IRAG1: variants seen among roughly 807,000 people sequenced by gnomAD.
IRAG1 encodes IP3R-associated cGMP kinase substrate.
In IRAG1, 62 loss-of-function variants were observed where a neutral mutation model predicts 106.2. That is an observed-to-expected ratio of 0.58 (90% CI 0.48 to 0.72). IRAG1 has a LOEUF of 0.72. Ranked by LOEUF, IRAG1 falls within the 30% of genes least tolerant of loss-of-function variation. The pLI is 0.00. For synonymous variants in IRAG1, 462 were observed against 443.9 expected, an observed-to-expected ratio of 1.04 and a Z score of -0.51; for missense variants, 1,064 against 1,140.7, an observed-to-expected ratio of 0.93 and a Z score of 0.97.
intron 3 of IRAG1, among the ~76,000 whole-genome samples, chr11:10,633,310 C>T (rs924629047): frequency 1.3e-5 from 2 of 152,134 alleles, no homozygotes; most frequent in African/African-American, 2.4e-5. Flanking sequence ...CTCCTGACCT[C>T]ATGATTCACC....
Position 10,575,369 on chromosome 11 carries a change from A to C in IRAG1, c.*963T>G, listed in dbSNP as rs1850763837. The C allele has an allele frequency of 6.6e-6, 1 of 152,242 alleles. No individual in the cohort carries two copies. Among genetic ancestry groups the C allele is most frequent in the African/African-American group, 2.4e-5 (1 of 41,472 alleles). The allele number at this position is 152,242 out of a possible 1,614,324, so 9.4% of individuals were successfully genotyped here. The stretch of plus-strand genomic sequence containing the variant: ...CCTCATTCACCTGTGAGGTGGGTTA[A>C]CTGTTTTCAAAGAGAGAATAGGGAA... On this transcript the variant is annotated 3_prime_UTR_variant, in exon 21 of 21. Coordinates refer to ENST00000423302, the MANE Select transcript of IRAG1 (RefSeq NM_130385.4).
intron 1 of IRAG1, 195 bp downstream of exon 1, chr11:10,693,341 A>T: frequency 9.1e-7 from 1 of 1,101,736 alleles, no homozygotes; most frequent in Admixed American, 3.0e-5. Context: ...GACTGGCAAG[A>T]TTCACTTCTG....
At chr11:10,587,365 G>A (rs1171570270) in intron 18 of IRAG1, among the ~76,000 whole-genome samples, 1 of 152,040 alleles carries the variant, frequency 6.6e-6, no homozygotes, top group Non-Finnish European at 1.5e-5. Flanking sequence ...CACCCCCACT[G>A]CCATGGTTCC....
intron 10 of IRAG1, among the ~76,000 whole-genome samples, chr11:10,620,023 T>A (rs1855713426): frequency 6.6e-6 from 1 of 152,244 alleles, no homozygotes; most frequent in Non-Finnish European, 1.5e-5. Context: ...TAAATTGGTA[T>A]AATTTTGTAA....
At chr11:10,668,836 G>T (rs1786276532) in intron 1 of IRAG1, among the ~76,000 whole-genome samples, 1 of 152,198 alleles carries the variant, frequency 6.6e-6, no homozygotes. Flanking sequence ...CTTTAACCCA[G>T]TTTAAATGCA....
At chr11:10,589,734 T>G (rs1455010564) in intron 18 of IRAG1, among the ~76,000 whole-genome samples, 1 of 152,204 alleles carries the variant, frequency 6.6e-6, no homozygotes, top group East Asian at 1.9e-4. Context: ...GTGCTTGACT[T>G]GCCTTAATCC....
At chr11:10,648,248 C>T (rs953555838) in intron 2 of IRAG1, among the ~76,000 whole-genome samples, 3 of 152,120 alleles carry the variant, frequency 2.0e-5, no homozygotes, top group African/African-American at 4.8e-5. Flanking sequence ...CCTGTAGTCC[C>T]GGCTATTCGG....
chr11:10,603,387 G>C, intron 13 of IRAG1, 136 bp from the exon 14 acceptor site: 1 of 925,538 alleles, frequency 1.1e-6, no homozygotes, highest in Non-Finnish European at 1.6e-6. Context: ...CGATGGTTTG[G>C]GGATGAAACT....
At chr11:10,592,977 C>T (rs1852847735) in intron 17 of IRAG1, among the ~76,000 whole-genome samples, 2 of 152,102 alleles carry the variant, frequency 1.3e-5, no homozygotes, top group South Asian at 2.1e-4. Context: ...CTACAGAAAC[C>T]CCTTATAGGA....
Position 10,603,186 on chromosome 11 carries a change from G to C in IRAG1, c.1809C>G (p.Ile603Met). The stretch of plus-strand genomic sequence containing the variant: ...GGGCAGCCAGGCGGTGCAGGACAGC[G>C]ATGTCCTCCAGCAACTTCTGGTAGG... ...RETYQKLLED[I>M]AVLHRLAARL... Residue 603 changes from isoleucine to methionine, a missense_variant, in exon 14 of 21, where the codon ATC becomes ATG. By Grantham distance (10) the Ile-to-Met change is conservative. Transcript: ENST00000423302. 1 of 1,612,030 alleles carries C rather than the reference G, an allele frequency of 6.2e-7. No individual in the cohort carries two copies. Among genetic ancestry groups the C allele is most frequent in the Non-Finnish European group, 8.5e-7 (1 of 1,179,138 alleles).
intron 1 of IRAG1, among the ~76,000 whole-genome samples, chr11:10,692,616 C>T (rs1862144743): frequency 6.6e-6 from 1 of 152,212 alleles, no homozygotes; most frequent in African/African-American, 2.4e-5. Flanking sequence ...CTGCAAAAGA[C>T]TCTGCTCAGA....
chr11:10,576,355 G>C lies in IRAG1; in HGVS notation c.2716C>G (p.His906Asp), dbSNP rs1850811366. ...TCCTACTGCTCTGTAGGCTGCTCAT[G>C]CTGGAGTCCTGAGCTCCACCAGGAG... Reference protein sequence around the residue: ...RDSWWSSGLQHEQPTEQ With the variant: ...RDSWWSSGLQDEQPTEQ The change falls in exon 21 of 21, where the codon CAT becomes GAT. Residue 906 changes from histidine (H) to aspartate (D), a missense_variant. His to Asp is a moderately conservative substitution (Grantham distance 81, BLOSUM62 -1). Coordinates refer to ENST00000423302, the MANE Select transcript of IRAG1 (RefSeq NM_130385.4). 1 of 1,613,922 alleles carries C rather than the reference G, an allele frequency of 6.2e-7. No individual in the cohort carries two copies. The highest frequency in any genetic ancestry group is 8.5e-7 in the Non-Finnish European group (1 of 1,179,862).
Position 10,573,576 on chromosome 11 carries a change from T to G in IRAG1, c.*2756A>C, listed in dbSNP as rs1850688009. On this transcript the variant is annotated 3_prime_UTR_variant, in exon 21 of 21. Transcript: ENST00000423302. ...ATATGGCTATTCTTATGCTCCCTTT[T>G]GGAGATGTCCTTTTCCTCGACCTCC... is the stretch of plus-strand genomic sequence containing the variant. 1 of 152,266 alleles carries G rather than the reference T, an allele frequency of 6.6e-6. No individual in the cohort carries two copies. The highest frequency in any genetic ancestry group is 1.5e-5 in the Non-Finnish European group (1 of 68,066). 9.4% of individuals were successfully genotyped at this position (152,266 alleles called of 1,614,324 possible).
intron 13 of IRAG1, among the ~76,000 whole-genome samples, chr11:10,604,134 G>A (rs140568737): frequency 5.8e-4 from 88 of 152,262 alleles, no homozygotes; most frequent in African/African-American, 2.0e-3. Flanking sequence ...TATCCCTGGC[G>A]CCTGAAAGTA....
intron 18 of IRAG1, among the ~76,000 whole-genome samples, chr11:10,589,552 C>T (rs2134184734): frequency 6.6e-6 from 1 of 152,210 alleles, no homozygotes; most frequent in South Asian, 2.1e-4. Context: ...CAGGTGTGAG[C>T]CACCGTGCCT....
At position 10,576,187 on chromosome 11, in the gene IRAG1, G is replaced by T; in HGVS notation, c.*145C>A. 1 of 1,022,402 alleles carries T rather than the reference G, an allele frequency of 9.8e-7. No homozygotes were observed. The highest frequency in any genetic ancestry group is 1.4e-6 in the Non-Finnish European group (1 of 710,704). The allele number at this position is 1,022,402 out of a possible 1,614,324, so 63.3% of individuals were successfully genotyped here. The stretch of plus-strand genomic sequence containing the variant: ...TCACTGTGTATGAATAGCTCCCACA[G>T]AAGTGCCGAGTGTTAAAAGAACCCT... On this transcript the variant is annotated 3_prime_UTR_variant, in exon 21 of 21. Transcript: ENST00000423302.
chr11:10,588,565 G>A (rs1852289000), intron 18 of IRAG1, among the ~76,000 whole-genome samples: 1 of 152,190 alleles, frequency 6.6e-6, no homozygotes, highest in Admixed American at 6.5e-5. Flanking sequence ...TGCCCAGGCT[G>A]GTCTTCAACT....
At position 10,652,039 on chromosome 11, in the gene IRAG1, T is replaced by TCA. The variant is rs772563151; in HGVS notation, c.210_211insTG (p.Ser71Ter). The TCA allele has an allele frequency of 8.2e-6, 13 of 1,579,206 alleles. No individual in the cohort carries two copies. In the African/African-American group the frequency reaches 1.6e-4, roughly 20 times the overall value. ...GGGGCACTTACTTGGCCGGCAGGGCTCTGGGCTGCCTGTGGCTCTCCGGGG... is the reference window on the plus strand; with the variant it reads ...GGGGCACTTACTTGGCCGGCAGGGCTCACTGGGCTGCCTGTGGCTCTCCGGGG... On this transcript the variant is annotated frameshift_variant, in exon 2 of 21. Transcript: ENST00000423302. LOFTEE classifies it high-confidence loss of function.
At chr11:10,673,399 C>CA (rs2135126756) in intron 1 of IRAG1, among the ~76,000 whole-genome samples, 1 of 152,084 alleles carries the variant, frequency 6.6e-6, no homozygotes, top group South Asian at 2.1e-4. Flanking sequence ...AAGCCAGTCA[C>CA]AAAAAACCAT....
Sources: allele counts gnomAD v4.1 joint callset (sites outside exome capture counted in the v4.1 genomes callset), GRCh38; gene constraint gnomAD v4.1.1; transcripts MANE v1.5; gene names NCBI Gene and HGNC (gene_info 2026-07-23, HGNC 2026-07-21).